IL1RAPL2: variants seen among roughly 807,000 people sequenced by gnomAD.
IL1RAPL2 encodes X-linked interleukin-1 receptor accessory protein-like 2.
In IL1RAPL2, 3 loss-of-function variants were observed where a neutral mutation model predicts 44.1. The ratio of observed to expected loss-of-function variants is 0.07; its 90% confidence interval spans 0.03 to 0.18. IL1RAPL2 has a LOEUF of 0.18. IL1RAPL2 is among the 10% of genes least tolerant of loss of function. The probability of loss-of-function intolerance (pLI) is 1.00; values close to 1 mark genes in which losing one functional copy is unlikely to be tolerated. For synonymous variants in IL1RAPL2, 181 were observed against 178.8 expected, an observed-to-expected ratio of 1.01 and a Z score of -0.10; for missense variants, 391 against 496.4, an observed-to-expected ratio of 0.79 and a Z score of 2.02.
At chrX:105,002,887 C>T (rs1397357692) in intron 2 of IL1RAPL2, among the ~76,000 whole-genome samples, 1 of 111,321 alleles carries the variant, frequency 9.0e-6, no homozygotes, top group African/African-American at 3.3e-5. Context: ...AATATTATGT[C>T]ATGCATAATT....
At chrX:104,640,046 T>A (rs865806203) in intron 1 of IL1RAPL2, among the ~76,000 whole-genome samples, 9 of 111,782 alleles carry the variant, frequency 8.1e-5, no homozygotes, top group African/African-American at 2.3e-4. Flanking sequence ...CTTGGGAAGT[T>A]TTCAGCTATT....
chrX:105,092,341 G>C (rs762330117), intron 2 of IL1RAPL2, among the ~76,000 whole-genome samples: 1 of 111,231 alleles, frequency 9.0e-6, no homozygotes, highest in African/African-American at 3.3e-5. Context: ...GTTTATTGCA[G>C]GGAAATGATA....
intron 6 of IL1RAPL2, among the ~76,000 whole-genome samples, chrX:105,629,428 C>T: frequency 9.0e-6 from 1 of 111,637 alleles, no homozygotes; most frequent in Non-Finnish European, 1.9e-5. Flanking sequence ...TTCAAAAAAA[C>T]TCCAGAAGTT....
At chrX:105,291,634 G>GA (rs1389644914) in intron 5 of IL1RAPL2, among the ~76,000 whole-genome samples, 4 of 111,154 alleles carry the variant, frequency 3.6e-5, no homozygotes, top group African/African-American at 9.8e-5. Context: ...TATGTACATT[G>GA]AAAAAATCTC....
intron 2 of IL1RAPL2, among the ~76,000 whole-genome samples, chrX:104,936,393 G>C (rs1323852812): frequency 2.7e-5 from 3 of 110,853 alleles, no homozygotes; most frequent in African/African-American, 9.9e-5. Context: ...GAGTGTACTG[G>C]GTCCAACCTA....
chrX:104,986,241 T>TCTCTAGCTTCAGTTC (rs1209770438), intron 2 of IL1RAPL2, among the ~76,000 whole-genome samples: 2 of 112,140 alleles, frequency 1.8e-5, no homozygotes, highest in African/African-American at 6.5e-5. Flanking sequence ...AATGGGCATT[T>TCTCTAGCTTCAGTTC]CTCTAGCTTC....
chrX:105,054,449 TA>T (rs1299472171), intron 2 of IL1RAPL2, among the ~76,000 whole-genome samples: 1 of 111,786 alleles, frequency 8.9e-6, no homozygotes, highest in African/African-American at 3.3e-5. Context: ...TACTTTTAGT[TA>T]CTTATTTGTT....
intron 2 of IL1RAPL2, among the ~76,000 whole-genome samples, chrX:105,149,957 TA>T (rs1479517947): frequency 9.0e-6 from 1 of 111,313 alleles, no homozygotes; most frequent in African/African-American, 3.3e-5. Context: ...GATTGAGGTA[TA>T]GGGGCAGCCT....
At chrX:105,231,075 CTT>C (rs1333789278) in intron 3 of IL1RAPL2, among the ~76,000 whole-genome samples, 2 of 112,253 alleles carry the variant, frequency 1.8e-5, no homozygotes, top group Non-Finnish European at 3.8e-5. Context: ...AAGTATGTCT[CTT>C]TCACCTGTAT....
intron 6 of IL1RAPL2, among the ~76,000 whole-genome samples, chrX:105,616,309 A>T (rs968874083): frequency 3.6e-5 from 4 of 112,130 alleles, no homozygotes; most frequent in African/African-American, 1.3e-4. Context: ...TACTATTTTT[A>T]TTATTTTCAA....
At chrX:105,219,954 C>T (rs782336037) in intron 3 of IL1RAPL2, 2 of 1,189,378 alleles carry the variant, frequency 1.7e-6, no homozygotes, top group Non-Finnish European at 2.3e-6. Context: ...GGAGCGGCTT[C>T]CAACTCACCT....
chrX:104,567,721 C>T lies in IL1RAPL2; in HGVS notation c.-20+670C>T, dbSNP rs1451967416. 2.7e-5 allele frequency among the ~76,000 whole-genome samples: 3 copies of T among 112,336 alleles called. 1 individual carries two copies. The South Asian group carries it at 1.1e-3, about 42-fold the overall frequency. On this transcript the variant is annotated intron_variant, in intron 1 of 10. Transcript: ENST00000372582. The stretch of plus-strand genomic sequence containing the variant: ...GTGAGGATCTGCCCGCGCCAAATTG[C>T]GCTTCAGACTCCTTGTGAAGGAAAA...
At chrX:104,986,785 T>G (rs1346119528) in intron 2 of IL1RAPL2, among the ~76,000 whole-genome samples, 1 of 112,488 alleles carries the variant, frequency 8.9e-6, no homozygotes, top group Non-Finnish European at 1.9e-5. Context: ...TTTTTCTGAC[T>G]TCATCAATTT....
chrX:104,749,867 T>C (rs1365948401), intron 2 of IL1RAPL2, among the ~76,000 whole-genome samples: 4 of 112,037 alleles, frequency 3.6e-5, no homozygotes. Context: ...AATGGTTTCA[T>C]GTTTGATGGC....
chrX:104,997,215 G>A (rs1337156026), intron 2 of IL1RAPL2, among the ~76,000 whole-genome samples: 1 of 111,889 alleles, frequency 8.9e-6, no homozygotes, highest in Non-Finnish European at 1.9e-5. Context: ...ATGTACCAAA[G>A]ATTTAGTATG....
At chrX:105,504,810 C>T (rs2036419922) in intron 6 of IL1RAPL2, among the ~76,000 whole-genome samples, 1 of 111,415 alleles carries the variant, frequency 9.0e-6, no homozygotes, top group East Asian at 2.8e-4. Context: ...GTGATGCCAC[C>T]AGGATTTCTT....
intron 2 of IL1RAPL2, among the ~76,000 whole-genome samples, chrX:104,857,977 C>T (rs748841751): frequency 3.9e-4 from 43 of 111,332 alleles, no homozygotes; most frequent in Admixed American, 1.2e-3. Context: ...ATACCCTCAC[C>T]TTGATATTGC....
intron 2 of IL1RAPL2, among the ~76,000 whole-genome samples, chrX:105,174,063 A>G (rs1378691254): frequency 1.8e-5 from 2 of 110,480 alleles, no homozygotes; most frequent in Non-Finnish European, 3.8e-5. Context: ...ACTTCCAACC[A>G]ATCCTTTTTT....
intron 6 of IL1RAPL2, among the ~76,000 whole-genome samples, chrX:105,707,191 A>G: frequency 1.8e-5 from 2 of 111,711 alleles, no homozygotes; most frequent in Middle Eastern, 4.6e-3. Context: ...TTGAAAAGGC[A>G]ACTCAGATCA....
Sources: gnomAD v4.1 joint callset for allele counts (sites outside exome capture counted in the v4.1 genomes callset) on GRCh38, gnomAD v4.1.1 for gene constraint, MANE v1.5 for transcripts, NCBI Gene and HGNC (gene_info 2026-07-23, HGNC 2026-07-21) for gene names.